Variants in ESR2 observed in about 807,000 individuals in gnomAD.
ESR2 encodes the protein estrogen receptor beta.
A neutral mutation model predicts 49.6 loss-of-function variants in ESR2; 36 were observed. That is an observed-to-expected ratio of 0.73 (90% confidence interval 0.56 to 0.96). The LOEUF (loss-of-function observed/expected upper bound fraction) is 0.96. Among genes scored for constraint, ESR2 ranks in the 40% least tolerant of loss-of-function variants. The probability of loss-of-function intolerance (pLI) is 0.00; values close to 1 mark genes in which losing one functional copy is unlikely to be tolerated. For synonymous variants in ESR2, 320 were observed against 266.1 expected (o/e 1.20, Z -1.97); for missense variants, 714 against 693.0 (o/e 1.03, Z -0.34).
intron 1 of ESR2, chr14:64,301,586 G>A (rs1292283895): frequency 6.6e-6 from 1 of 152,154 alleles, no homozygotes; most frequent in Non-Finnish European, 1.5e-5. Flanking sequence ...GATTTCTACG[G>A]AGAGAACAGA....
intron 1 of ESR2, among the ~76,000 whole-genome samples, chr14:64,291,481 A>G (rs2076869119): frequency 6.6e-6 from 1 of 152,220 alleles, no homozygotes; most frequent in South Asian, 2.1e-4. Flanking sequence ...GGTAAGTTAC[A>G]TATTTAAAAT....
chr14:64,240,926 C>T (rs914152459), intron 7 of ESR2, among the ~76,000 whole-genome samples: 2 of 151,824 alleles, frequency 1.3e-5, no homozygotes, highest in East Asian at 1.9e-4. Flanking sequence ...GGGCGGATCA[C>T]GAGATCAGGA....
intron 1 of ESR2, among the ~76,000 whole-genome samples, chr14:64,320,668 G>A (rs768282958): frequency 5.9e-5 from 9 of 152,108 alleles, no homozygotes; most frequent in Non-Finnish European, 1.3e-4. Context: ...TGAGGCAGGC[G>A]GATCACCTGA....
At position 64,233,006 on chromosome 14, in the gene ESR2, G is replaced by C; in HGVS notation, c.*131C>G. On this transcript the variant is annotated 3_prime_UTR_variant, in exon 9 of 9. Coordinates refer to ENST00000341099, the MANE Select transcript of ESR2 (RefSeq NM_001437.3). ...AGTTGGGAAGGTGGAGGGAAGGATGGTACATGACCAAGCCTGCCATCACCA... is the reference window on the plus strand; with the variant it reads ...AGTTGGGAAGGTGGAGGGAAGGATGCTACATGACCAAGCCTGCCATCACCA... The C allele has an allele frequency of 1.4e-6, 2 of 1,450,366 alleles. No homozygotes were observed. The highest frequency in any genetic ancestry group is 1.8e-6 in the Non-Finnish European group (2 of 1,101,892). 89.8% of individuals were successfully genotyped at this position (1,450,366 alleles called of 1,614,324 possible).
intron 1 of ESR2, chr14:64,332,129 AT>A (rs1361206376): frequency 1.3e-5 from 2 of 152,228 alleles, no homozygotes; most frequent in Non-Finnish European, 2.9e-5. Context: ...TGGTTGATGA[AT>A]TGCTTTTAAT....
chr14:64,306,224 G>T (rs2077096559), intron 1 of ESR2, among the ~76,000 whole-genome samples: 1 of 151,128 alleles, frequency 6.6e-6, no homozygotes, highest in Non-Finnish European at 1.5e-5. Flanking sequence ...AAAAAAAAAA[G>T]AAAGTAAAAA....
intron 6 of ESR2, among the ~76,000 whole-genome samples, chr14:64,255,843 G>A (rs760172253): frequency 1.1e-4 from 17 of 152,178 alleles, no homozygotes; most frequent in Non-Finnish European, 1.8e-4. Context: ...TACCACCTGG[G>A]CTTGCTCCTG....
chr14:64,280,089 T>C lies in ESR2; in HGVS notation c.427A>G (p.Lys143Glu). ...ACAGCGCAGAAGTGAGCATCCCTCT[T>C]TGAACCTGGACCAGTAACAGGGCTG... is the stretch of plus-strand genomic sequence containing the variant. ...CASPVTGPGS[K>E]RDAHFCAVCS... Residue 143 changes from lysine (K) to glutamate (E), a missense_variant, in exon 3 of 9, where the codon AAG (lysine) becomes GAG (glutamate). Transcript: ENST00000341099. The C allele has an allele frequency of 1.9e-6, 3 of 1,614,152 alleles. No individual in the cohort carries two copies. Among genetic ancestry groups the C allele is most frequent in the Non-Finnish European group, 2.5e-6 (3 of 1,179,980 alleles).
chr14:64,256,606 G>A (rs1350530825), intron 6 of ESR2, among the ~76,000 whole-genome samples: 3 of 152,114 alleles, frequency 2.0e-5, no homozygotes, highest in African/African-American at 7.2e-5. Context: ...GTGGACACCT[G>A]TGATCCCAAC....
chr14:64,292,737 T>G (rs2076892902), intron 1 of ESR2, among the ~76,000 whole-genome samples: 1 of 152,060 alleles, frequency 6.6e-6, no homozygotes, highest in South Asian at 2.1e-4. Flanking sequence ...GAAAATTTCC[T>G]TCTTATTCTT....
chr14:64,313,660 C>T (rs370694367), intron 1 of ESR2, among the ~76,000 whole-genome samples: 27 of 151,506 alleles, frequency 1.8e-4, no homozygotes, highest in African/African-American at 6.5e-4. Flanking sequence ...AAGGCTGAGG[C>T]GGGTGGATCA....
chr14:64,278,735 C>T (rs759713568), intron 3 of ESR2, among the ~76,000 whole-genome samples: 20 of 152,130 alleles, frequency 1.3e-4, no homozygotes, highest in Non-Finnish European at 1.8e-4. Flanking sequence ...AAGACACATG[C>T]AGGGAGATGA....
chr14:64,274,927 T>G (rs2076527105), intron 3 of ESR2, among the ~76,000 whole-genome samples: 1 of 152,202 alleles, frequency 6.6e-6, no homozygotes, highest in Non-Finnish European at 1.5e-5. Flanking sequence ...CTTTATTGAT[T>G]TCTAGTTTTA....
intron 3 of ESR2, among the ~76,000 whole-genome samples, chr14:64,276,420 A>T (rs2076558872): frequency 6.6e-6 from 1 of 152,222 alleles, no homozygotes; most frequent in Non-Finnish European, 1.5e-5. Context: ...GATACTATAC[A>T]TCACGTATCA....
At position 64,231,168 on chromosome 14, in the gene ESR2, GCCA is replaced by G. The variant is rs2098726877; in HGVS notation, c.*1966_*1968del. 1 of 152,194 alleles carries G rather than the reference GCCA, an allele frequency of 6.6e-6. No individual in the cohort carries two copies. The highest frequency in any genetic ancestry group is 1.5e-5 in the Non-Finnish European group (1 of 68,066). 9.4% of individuals were successfully genotyped at this position (152,194 alleles called of 1,614,324 possible). ...CAAAGTGCTGGGATTACAGGCGTGAGCCACCACATCTGGCCTTGTTTTGGTTTT... is the reference window on the plus strand; with the variant it reads ...CAAAGTGCTGGGATTACAGGCGTGAGCCACATCTGGCCTTGTTTTGGTTTT... On this transcript the variant is annotated 3_prime_UTR_variant, in exon 9 of 9. Transcript: ENST00000341099.
At chr14:64,272,293 T>C (rs2076465688) in intron 3 of ESR2, among the ~76,000 whole-genome samples, 1 of 152,234 alleles carries the variant, frequency 6.6e-6, no homozygotes. Context: ...TATATTCTGA[T>C]TGTTAATACC....
intron 7 of ESR2, among the ~76,000 whole-genome samples, chr14:64,245,104 C>A (rs953094810): frequency 2.0e-5 from 3 of 152,052 alleles, no homozygotes. Flanking sequence ...ACTTACAAAT[C>A]CTTAAAACCT....
intron 1 of ESR2, among the ~76,000 whole-genome samples, chr14:64,292,891 C>T (rs898479726): frequency 1.3e-5 from 2 of 152,128 alleles, no homozygotes; most frequent in Non-Finnish European, 1.5e-5. Context: ...CAGAACACTA[C>T]GAAATGTGTC....
At chr14:64,269,379 T>A (rs1203883390) in intron 3 of ESR2, among the ~76,000 whole-genome samples, 1 of 152,166 alleles carries the variant, frequency 6.6e-6, no homozygotes, top group African/African-American at 2.4e-5. Flanking sequence ...AAATTAGCAA[T>A]CTAAATAATG....
Sources: gnomAD v4.1 joint callset for allele counts (sites outside exome capture counted in the v4.1 genomes callset) on GRCh38, gnomAD v4.1.1 for gene constraint, MANE v1.5 for transcripts, NCBI Gene and HGNC (gene_info 2026-07-23, HGNC 2026-07-21) for gene names.